Variants in WWOX observed in about 807,000 individuals in gnomAD.
The protein encoded by WWOX is WW domain containing oxidoreductase, also known as WW domain-containing oxidoreductase.
A neutral mutation model predicts 46.2 loss-of-function variants in WWOX; 69 were observed. The observed-to-expected ratio is 1.49, with a 90% CI of 1.23 to 1.82. The LOEUF (loss-of-function observed/expected upper bound fraction) is 1.82, where lower values mean the gene tolerates loss of function less well. WWOX is among the 40% of genes most tolerant of loss of function. The pLI is 0.00. For missense variants in WWOX, 919 were observed against 542.6 expected, an observed-to-expected ratio of 1.69 and a Z score of -6.89; for synonymous variants, 359 against 202.6, an observed-to-expected ratio of 1.77 and a Z score of -6.56.
intron 8 of WWOX, among the ~76,000 whole-genome samples, chr16:78,700,676 T>A (rs2048195248): frequency 6.6e-6 from 1 of 152,168 alleles, no homozygotes; most frequent in African/African-American, 2.4e-5. Flanking sequence ...GTGTGTCTTG[T>A]GGCATTCCTG....
At chr16:78,360,011 T>C (rs570563554) in intron 5 of WWOX, among the ~76,000 whole-genome samples, 3 of 152,292 alleles carry the variant, frequency 2.0e-5, no homozygotes, top group African/African-American at 7.2e-5. Flanking sequence ...TCTCAGAATT[T>C]TGGATTTCAG....
chr16:78,396,453 C>G (rs1368092335), intron 6 of WWOX, among the ~76,000 whole-genome samples: 3 of 152,168 alleles, frequency 2.0e-5, no homozygotes, highest in East Asian at 3.9e-4. Flanking sequence ...CTATCACTAT[C>G]ATCTTTCATG....
chr16:78,761,542 C>T (rs1375464108), intron 8 of WWOX, among the ~76,000 whole-genome samples: 2 of 152,062 alleles, frequency 1.3e-5, no homozygotes, highest in East Asian at 3.9e-4. Context: ...TGATAGTTTC[C>T]CTGTGGTTTG....
At chr16:78,872,863 T>C (rs2151204486) in intron 8 of WWOX, 1 of 152,422 alleles carries the variant, frequency 6.6e-6, no homozygotes, top group African/African-American at 2.4e-5. Flanking sequence ...AGTGGTGTGA[T>C]CTCAGCTCAG....
chr16:79,101,808 A>C (rs981559530), intron 8 of WWOX: 1 of 150,776 alleles, frequency 6.6e-6, no homozygotes, highest in Non-Finnish European at 1.5e-5. Flanking sequence ...AGTTTTTTCT[A>C]GAGGTAGGAG....
chr16:78,305,871 T>C (rs776234200), intron 5 of WWOX, among the ~76,000 whole-genome samples: 17 of 152,168 alleles, frequency 1.1e-4, no homozygotes, highest in Non-Finnish European at 2.1e-4. Context: ...CTTTTTCTTT[T>C]TTTTGGTTGG....
chr16:79,031,844 AT>A (rs2047762862), intron 8 of WWOX, among the ~76,000 whole-genome samples: 1 of 139,026 alleles, frequency 7.2e-6, no homozygotes, highest in Non-Finnish European at 1.6e-5. Flanking sequence ...TATATATCTT[AT>A]TATATATTAT....
At chr16:78,129,969 A>C (rs1033074602) in intron 4 of WWOX, 1 of 152,078 alleles carries the variant, frequency 6.6e-6, no homozygotes, top group African/African-American at 2.4e-5. Flanking sequence ...GAGATAATTG[A>C]ATCATGCTGT....
intron 6 of WWOX, among the ~76,000 whole-genome samples, chr16:78,409,850 C>T (rs1415258950): frequency 1.3e-5 from 2 of 152,186 alleles, no homozygotes; most frequent in Non-Finnish European, 1.5e-5. Flanking sequence ...AGTCCCATTT[C>T]CCTCTAGCCA....
intron 5 of WWOX, among the ~76,000 whole-genome samples, chr16:78,273,649 G>A (rs2079523841): frequency 6.6e-6 from 1 of 152,156 alleles, no homozygotes; most frequent in Non-Finnish European, 1.5e-5. Flanking sequence ...GAGCCCTTGA[G>A]CAAAAGTGAT....
chr16:78,242,746 G>A (rs891684879), intron 5 of WWOX, among the ~76,000 whole-genome samples: 1 of 152,166 alleles, frequency 6.6e-6, no homozygotes, highest in Non-Finnish European at 1.5e-5. Context: ...AGTGGCTCAC[G>A]CCTGTAATCC....
rs112160427 is a variant in WWOX at position 78,137,786 on chromosome 16, T to C, written c.409+22632T>C. Among the ~76,000 whole-genome samples the C allele has an allele frequency of 9.4e-3, 1,294 of 136,938 alleles. 63 individuals carry two copies. Among genetic ancestry groups the C allele is most frequent in the African/African-American group, 0.033 (1,227 of 36,788 alleles). 89.8% of individuals were successfully genotyped at this position (136,938 alleles called of 152,430 possible). ...AGCTCTTAGGTAGTGTGCAAAATTG[T>C]CAACAGATAATAAAAGTTTTTTGCA... On this transcript the variant is annotated intron_variant, in intron 4 of 8. Coordinates refer to ENST00000566780, the MANE Select transcript of WWOX (RefSeq NM_016373.4).
chr16:78,930,126 G>C (rs888133443), intron 8 of WWOX, among the ~76,000 whole-genome samples: 3 of 151,930 alleles, frequency 2.0e-5, no homozygotes, highest in African/African-American at 7.3e-5. Flanking sequence ...TGTGGGGTCT[G>C]GCAGAGAAAC....
At chr16:78,150,481 C>G (rs8052567) in intron 4 of WWOX, among the ~76,000 whole-genome samples, 9,724 of 152,252 alleles carry the variant, frequency 0.064, 438 homozygotes, top group East Asian at 0.25. Flanking sequence ...CAGGCTAAAG[C>G]CATCCTCCTG....
intron 8 of WWOX, among the ~76,000 whole-genome samples, chr16:78,984,046 T>G (rs1476558760): frequency 1.3e-5 from 2 of 151,732 alleles, no homozygotes; most frequent in East Asian, 3.9e-4. Context: ...CCCGGCTATT[T>G]TTTTTGTATT....
chr16:78,519,560 A>G (rs1483758307), intron 8 of WWOX, among the ~76,000 whole-genome samples: 1 of 152,050 alleles, frequency 6.6e-6, no homozygotes, highest in Non-Finnish European at 1.5e-5. Context: ...TGCTATGGTT[A>G]GAAAGTTTGC....
chr16:78,329,383 A>G (rs2080706397), intron 5 of WWOX, among the ~76,000 whole-genome samples: 1 of 152,206 alleles, frequency 6.6e-6, no homozygotes, highest in Non-Finnish European at 1.5e-5. Flanking sequence ...TTCTTAGAAC[A>G]ACCTCCACCA....
chr16:78,334,325 A>T (rs1373003805), intron 5 of WWOX, among the ~76,000 whole-genome samples: 1 of 152,206 alleles, frequency 6.6e-6, no homozygotes, highest in African/African-American at 2.4e-5. Context: ...AACATGAATC[A>T]TTTTAATAGA....
chr16:78,688,021 G>C (rs957084409), intron 8 of WWOX, among the ~76,000 whole-genome samples: 3 of 152,110 alleles, frequency 2.0e-5, no homozygotes, highest in African/African-American at 7.2e-5. Flanking sequence ...CGAAACAGGA[G>C]TTATTTAAAT....
Sources: gnomAD v4.1 joint callset for allele counts (sites outside exome capture counted in the v4.1 genomes callset) on GRCh38, gnomAD v4.1.1 for gene constraint, MANE v1.5 for transcripts, NCBI Gene and HGNC (gene_info 2026-07-23, HGNC 2026-07-21) for gene names.